PRRC2A: variants seen among roughly 807,000 people sequenced by gnomAD.
PRRC2A encodes proline rich coiled-coil 2A.
A neutral mutation model predicts 224.6 loss-of-function variants in PRRC2A; 59 were observed. That is an observed-to-expected ratio of 0.26 (90% confidence interval 0.21 to 0.33). The LOEUF (loss-of-function observed/expected upper bound fraction) is 0.33, where lower values mean the gene tolerates loss of function less well. PRRC2A is among the 10% of genes least tolerant of loss of function. The pLI is 1.00. For missense variants in PRRC2A, 3,095 were observed against 2,880.7 expected (o/e 1.07, Z -1.70); for synonymous variants, 1,194 against 1,109.5 (o/e 1.08, Z -1.51).
intron 9 of PRRC2A, 24 bp downstream of exon 9, chr6:31,626,186 A>C: frequency 6.2e-7 from 1 of 1,601,642 alleles, no homozygotes; most frequent in Non-Finnish European, 8.5e-7. Context: ...AAGGGTCAAG[A>C]ATTTGGATCT....
intron 1 of PRRC2A, among the ~76,000 whole-genome samples, 180 bp from the exon 2 acceptor site, chr6:31,622,507 AAGG>A (rs1430612615): frequency 3.3e-5 from 5 of 152,286 alleles, no homozygotes; most frequent in Admixed American, 3.3e-4. Context: ...TTCCTTGACA[AAGG>A]TGTCTGGGGG....
Position 31,632,654 on chromosome 6 carries a change from C to T in PRRC2A, c.3981C>T (p.Ser1327=), listed in dbSNP as rs1407160212. Residue 1327 remains serine (S), a synonymous_variant, in exon 16 of 31, where the codon AGC becomes AGT. Transcript: ENST00000376033. The stretch of plus-strand genomic sequence containing the variant: ...AGGAATGGGAGACTGCATCAGAGAG[C>T]AGTGACTTCACCAGTGAGCGCCGAG... ...ANEEWETASE[S]SDFTSERRGD... The T allele has an allele frequency of 3.7e-6, 6 of 1,613,004 alleles. No individual in the cohort carries two copies. Among genetic ancestry groups the T allele is most frequent in the Admixed American group, 1.7e-5 (1 of 60,002 alleles).
intron 3 of PRRC2A, 140 bp downstream of exon 3, chr6:31,624,049 A>G: frequency 4.2e-6 from 5 of 1,187,496 alleles, no homozygotes; most frequent in Non-Finnish European, 5.9e-6. Context: ...TTCCTTGTTA[A>G]ATGACTAAGG....
Position 31,625,702 on chromosome 6 carries a change from G to T in PRRC2A, c.760-90G>T. The T allele has an allele frequency of 1.3e-6, 2 of 1,580,056 alleles. No homozygotes were observed. The highest frequency in any genetic ancestry group is 1.7e-6 in the Non-Finnish European group (2 of 1,149,152). ...AGTCTTTGACCTATGAGATAGAAGG[G>T]AGGGTGGGAGGATGATTGATAGCAG... On this transcript the variant is annotated intron_variant, in intron 7 of 30. Transcript: ENST00000376033. This position sits in a 1 kb window ranked among gnomAD's most constrained non-coding sequence, Gnocchi z 4.1.
chr6:31,624,115 AC>A (rs1443889829), intron 3 of PRRC2A, 145 bp from the exon 4 acceptor site: 2 of 1,068,548 alleles, frequency 1.9e-6, no homozygotes, highest in African/African-American at 1.6e-5. Context: ...AAAATAGACA[AC>A]AGCCTACAAA....
In PRRC2A at chr6:31,622,876, G is replaced by A. The variant is rs946550891; in HGVS notation, c.87G>A (p.Lys29=). The change falls in exon 2 of 31, where the codon AAG becomes AAA. Residue 29 remains lysine (K), a synonymous_variant. Coordinates refer to ENST00000376033, the MANE Select transcript of PRRC2A (RefSeq NM_004638.4). The part of the protein sequence containing the change: ...SLNLFDTYKG[K]SLEIQKPAVA... ...ACCTGTTTGATACGTATAAGGGCAA[G>A]TCCTTAGAGATCCAGAAACCCGCTG... 7 of 1,614,012 alleles carry A rather than the reference G, an allele frequency of 4.3e-6. No individual in the cohort carries two copies. Among genetic ancestry groups the A allele is most frequent in the Admixed American group, 1.7e-5 (1 of 59,968 alleles).
rs867715191 is a variant in PRRC2A at position 31,625,206 on chromosome 6, C to G, written c.499C>G (p.Arg167Gly). ...ATCAAGCCTACTGTCACGATTCTCT[C>G]GAGAGGAATTTCCGACCCTGCAGGC... is the stretch of plus-strand genomic sequence containing the variant. ...RASSLLSRFS[R>G]EEFPTLQAAG... The change falls in exon 6 of 31, where the codon CGA (arginine) becomes GGA (glycine). Residue 167 changes from arginine to glycine, a missense_variant. By Grantham distance (125) the Arg-to-Gly change is moderately radical. This residue lies in a region of PRRC2A where 287 missense variants were observed against 275.3 expected (regional missense o/e 1.04). Transcript: ENST00000376033. The surrounding 1 kb of genome is among the most constrained non-coding windows in gnomAD (Gnocchi z 4.1). 3 of 1,613,074 alleles carry G rather than the reference C, an allele frequency of 1.9e-6. No homozygotes were observed. Among genetic ancestry groups the G allele is most frequent in the Non-Finnish European group, 1.7e-6 (2 of 1,180,004 alleles).
chr6:31,624,308 C>T lies in PRRC2A; in HGVS notation c.338C>T (p.Ala113Val), dbSNP rs1250285939. The T allele has an allele frequency of 6.2e-7, 1 of 1,614,024 alleles. No homozygotes were observed. The highest frequency in any genetic ancestry group is 1.1e-5 in the South Asian group (1 of 91,092). The change falls in exon 4 of 31, where the codon GCT becomes GTT. Residue 113 changes from alanine to valine, a missense_variant. Ala to Val is a moderately conservative substitution (Grantham distance 64). Transcript: ENST00000376033. ...CCGCCGGAATCGCAGCCACTGCCGG[C>T]TTCACAGACGCCTGCCTCCAACCAG... is the stretch of plus-strand genomic sequence containing the variant. ...AQPPESQPLP[A>V]SQTPASNQPK... is the part of the protein sequence containing the mutation.
At chr6:31,630,507 C>G (rs1583207334) in intron 14 of PRRC2A, 84 bp from the exon 15 acceptor site, 2 of 1,428,732 alleles carry the variant, frequency 1.4e-6, no homozygotes, top group East Asian at 4.7e-5. Context: ...GAAGAGCTGA[C>G]TTGACCGCGA....
At position 31,637,468 on chromosome 6, in the gene PRRC2A, G is replaced by T. The variant is rs781744285; in HGVS notation, c.6356G>T (p.Arg2119Leu). The T allele has an allele frequency of 6.3e-7, 1 of 1,575,986 alleles. No homozygotes were observed. Among genetic ancestry groups the T allele is most frequent in the South Asian group, 1.2e-5 (1 of 85,730 alleles). The change falls in exon 31 of 31, where the codon CGC (arginine) becomes CTC (leucine). Residue 2119 changes from arginine (R) to leucine (L), a missense_variant. Around this residue, in one of 8 missense-constraint regions of PRRC2A, gnomAD observed 662 missense variants for 609.5 expected, o/e 1.09. Transcript: ENST00000376033. ...YQQASPPDAL[R>L]WIPKPWERTG... ...TAGGCCTCCCCACCAGATGCCCTGC[G>T]CTGGATACCTAAGCCTTGGGAGCGG...
Position 31,633,571 on chromosome 6 carries a change from C to T in PRRC2A, c.4512C>T (p.Pro1504=), listed in dbSNP as rs1342145585. 2 of 1,612,902 alleles carry T rather than the reference C, an allele frequency of 1.2e-6. No individual in the cohort carries two copies. The highest frequency in any genetic ancestry group is 2.7e-5 in the African/African-American group (2 of 74,936). Residue 1504 remains proline (P), a synonymous_variant, in exon 17 of 31, where the codon CCC becomes CCT. Coordinates refer to ENST00000376033, the MANE Select transcript of PRRC2A (RefSeq NM_004638.4). The part of the protein sequence containing the change: ...GGHPRHKPGL[P]QAPQGPSPRP... ...ATCCAAGGCACAAGCCTGGGCTTCC[C>T]CAAGCCCCTCAGGGCCCCTCTCCTA...
rs1184444386 is a variant in PRRC2A, at chr6:31,634,311, A to G, written c.4795A>G (p.Arg1599Gly). 1 of 1,612,830 alleles carries G rather than the reference A, an allele frequency of 6.2e-7. No homozygotes were observed. The highest frequency in any genetic ancestry group is 1.7e-5 in the Admixed American group (1 of 59,954). The change falls in exon 19 of 31, where the codon AGA (arginine) becomes GGA (glycine). Residue 1599 changes from arginine (R) to glycine (G), a missense_variant. Coordinates refer to ENST00000376033, the MANE Select transcript of PRRC2A (RefSeq NM_004638.4). ...GGGCCCAGGCCCTCAGGCAGAGTCC[A>G]GAGATACAGGCACAGAGGCCCTGAC... ...PEGPGPQAES[R>G]DTGTEALTPH...
rs1332168651 is a variant in PRRC2A, at chr6:31,631,871, T to C, written c.3198T>C (p.Arg1066=). Residue 1066 remains arginine, a synonymous_variant, in exon 16 of 31, where the codon CGT becomes CGC. Coordinates refer to ENST00000376033, the MANE Select transcript of PRRC2A (RefSeq NM_004638.4). This position sits in a 1 kb window ranked among gnomAD's most constrained non-coding sequence, Gnocchi z 4.5. ...GAGAGTTTCGAGGAGATGATGGGCG[T>C]GGAGGTGGGACAGGGGGACCAAACC... ...SYREFRGDDG[R]GGGTGGPNHP... is the part of the protein sequence containing the mutation. The C allele has an allele frequency of 7.5e-6, 12 of 1,609,658 alleles. No individual in the cohort carries two copies. Among genetic ancestry groups the C allele is most frequent in the African/African-American group, 1.3e-5 (1 of 74,718 alleles).
At chr6:31,630,151 T>A (rs918784038) in intron 14 of PRRC2A, among the ~76,000 whole-genome samples, 3 of 151,908 alleles carry the variant, frequency 2.0e-5, no homozygotes, top group Non-Finnish European at 4.4e-5. Flanking sequence ...ACCCCATTTC[T>A]ACTAAAAATA....
In PRRC2A at chr6:31,629,628, A is replaced by C. The variant is rs1238622309; in HGVS notation, c.2037A>C (p.Pro679=). The change falls in exon 14 of 31, where the codon CCA becomes CCC. Residue 679 remains proline (P), a synonymous_variant. Coordinates refer to ENST00000376033, the MANE Select transcript of PRRC2A (RefSeq NM_004638.4). ...QGSAPPTPVP[P]SPPQPVTLGA... Reference sequence around the variant, plus strand: ...CTGCCCCTCCTACCCCAGTGCCCCCATCACCACCACAGCCTGTGACCCTGG... The same window carrying C: ...CTGCCCCTCCTACCCCAGTGCCCCCCTCACCACCACAGCCTGTGACCCTGG... 1 of 1,607,636 alleles carries C rather than the reference A, an allele frequency of 6.2e-7. No individual in the cohort carries two copies. The highest frequency in any genetic ancestry group is 1.7e-5 in the Admixed American group (1 of 59,650).
chr6:31,629,362 G>A, intron 13 of PRRC2A, 28 bp downstream of exon 13: 2 of 1,535,556 alleles, frequency 1.3e-6, no homozygotes, highest in Non-Finnish European at 1.7e-6. Context: ...ACCCTCTAAG[G>A]GCTGCTTTTC....
chr6:31,632,865 C>T lies in PRRC2A; in HGVS notation c.4192C>T (p.Arg1398Cys), dbSNP rs369768018. 63 of 1,612,868 alleles carry T rather than the reference C, an allele frequency of 3.9e-5. No homozygotes were observed. Among genetic ancestry groups the T allele is most frequent in the African/African-American group, 1.2e-4 (9 of 74,890 alleles). Residue 1398 changes from arginine to cysteine, a missense_variant, in exon 16 of 31, where the codon CGC (arginine) becomes TGC (cysteine). Transcript: ENST00000376033. ...QRPGMERQNRRPGPGGKAGSS... is the reference protein window; with the variant it reads ...QRPGMERQNRCPGPGGKAGSS... ...GCCAGGCATGGAACGGCAGAATCGG[C>T]GCCCTGGCCCAGGGGGCAAGGCTGG...
At position 31,625,783 on chromosome 6, in the gene PRRC2A, C is replaced by A. The variant is rs558024004; in HGVS notation, c.760-9C>A. ...CCCTCTGAGCAGCTACTGTTGGACC[C>A]TTTTACAGATGTATCCCCCATATCT... On this transcript the variant is annotated splice_polypyrimidine_tract_variant and intron_variant, in intron 7 of 30. Coordinates refer to ENST00000376033, the MANE Select transcript of PRRC2A (RefSeq NM_004638.4). The surrounding 1 kb of genome is among the most constrained non-coding windows in gnomAD (Gnocchi z 4.1). 20 of 1,569,850 alleles carry A rather than the reference C, an allele frequency of 1.3e-5. No homozygotes were observed. The East Asian group carries it at 1.3e-4, about 11-fold the overall frequency.
Position 31,625,497 on chromosome 6 carries a change from T to C in PRRC2A, c.645T>C (p.Pro215=). 6.3e-7 allele frequency: 1 copy of C among 1,587,118 alleles called. No individual in the cohort carries two copies. Among genetic ancestry groups the C allele is most frequent in the Non-Finnish European group, 8.6e-7 (1 of 1,163,002 alleles). ...TTWRDGGGRG[P]DELEGPDSKL... is the part of the protein sequence containing the mutation. ...GGAGGGACGGAGGTGGGCGTGGCCC[T>C]GATGAGCTGGAGGGCCCGGACTCCA... is the stretch of plus-strand genomic sequence containing the variant. Residue 215 remains proline, a synonymous_variant, in exon 7 of 31, where the codon CCT becomes CCC. Transcript: ENST00000376033. The surrounding 1 kb of genome is among the most constrained non-coding windows in gnomAD (Gnocchi z 4.1).
Sources: allele counts gnomAD v4.1 joint callset (sites outside exome capture counted in the v4.1 genomes callset), GRCh38; gene constraint gnomAD v4.1.1; regional missense constraint gnomAD v4.1.1; non-coding constraint Gnocchi (gnomAD v3.1); transcripts MANE v1.5; gene names NCBI Gene and HGNC (gene_info 2026-07-23, HGNC 2026-07-21).